The following ATP2B4 variants were observed in gnomAD, a reference collection of about 807,000 sequenced individuals.
ATP2B4 encodes the protein plasma membrane calcium-transporting ATPase 4.
A neutral mutation model predicts 110.3 loss-of-function variants in ATP2B4; 39 were observed. The observed-to-expected ratio is 0.35, with a 90% CI of 0.27 to 0.46. The LOEUF (loss-of-function observed/expected upper bound fraction) is 0.46, where lower values mean the gene tolerates loss of function less well. Among genes scored for constraint, ATP2B4 ranks in the 20% least tolerant of loss-of-function variants. The probability of loss-of-function intolerance (pLI) is 1.00; values close to 1 mark genes in which losing one functional copy is unlikely to be tolerated. For missense variants in ATP2B4, 1,135 were observed against 1,530.9 expected (o/e 0.74, Z 4.32); for synonymous variants, 538 against 571.7 (o/e 0.94, Z 0.84).
chr1:203,739,488 T>C, intron 20 of ATP2B4, 58 bp from the exon 21 acceptor site: 1 of 1,531,094 alleles, frequency 6.5e-7, no homozygotes, highest in Non-Finnish European at 8.9e-7. Context: ...CTCCTTGTTC[T>C]GCCGGCCAAT....
At position 203,739,557 on chromosome 1, in the gene ATP2B4, C is replaced by T. The variant is rs761636120; in HGVS notation, c.3321C>T (p.Val1107=). Residue 1107 remains valine (V), a synonymous_variant, in exon 21 of 21, where the codon GTC becomes GTT. Transcript: ENST00000357681. ...TTCCCCTGGTATAGATCAAAGTGGT[C>T]AAAGCGTTCCATAGTTCCCTCCACG... ...LNRIQTQIKV[V]KAFHSSLHES... The T allele has an allele frequency of 1.2e-6, 2 of 1,613,592 alleles. No homozygotes were observed. The highest frequency in any genetic ancestry group is 1.7e-6 in the Non-Finnish European group (2 of 1,179,724).
intron 2 of ATP2B4, among the ~76,000 whole-genome samples, chr1:203,689,078 A>T (rs953638255): frequency 6.6e-6 from 1 of 152,066 alleles, no homozygotes; most frequent in Non-Finnish European, 1.5e-5. Flanking sequence ...CAATCTTTCC[A>T]ATCCCCAAAG....
intron 2 of ATP2B4, among the ~76,000 whole-genome samples, chr1:203,690,279 C>A (rs371472203): frequency 2.6e-5 from 4 of 152,198 alleles, no homozygotes; most frequent in African/African-American, 9.6e-5. Context: ...GGCTCTTCCT[C>A]GGTGTAGCAG....
chr1:203,656,388 T>C (rs1315302090), intron 1 of ATP2B4, among the ~76,000 whole-genome samples: 1 of 152,168 alleles, frequency 6.6e-6, no homozygotes, highest in Non-Finnish European at 1.5e-5. Context: ...TAGAAAACAG[T>C]GCCAAGTAGG....
At chr1:203,632,586 G>A (rs1296840321) in intron 1 of ATP2B4, among the ~76,000 whole-genome samples, 3 of 150,656 alleles carry the variant, frequency 2.0e-5, no homozygotes, top group Admixed American at 6.6e-5. Context: ...CTCATGATCC[G>A]CCCACCTCAG....
At chr1:203,632,002 C>T (rs1663283199) in intron 1 of ATP2B4, among the ~76,000 whole-genome samples, 1 of 151,974 alleles carries the variant, frequency 6.6e-6, no homozygotes, top group Non-Finnish European at 1.5e-5. Flanking sequence ...CCGTGTTGCC[C>T]AGGCTGGTCT....
At chr1:203,676,520 C>T (rs1376759905) in intron 1 of ATP2B4, among the ~76,000 whole-genome samples, 3 of 152,176 alleles carry the variant, frequency 2.0e-5, no homozygotes, top group African/African-American at 7.2e-5. Flanking sequence ...TTCTTGCCAG[C>T]TTTCTTGATA....
chr1:203,717,159 C>T (rs928051505), intron 15 of ATP2B4, among the ~76,000 whole-genome samples: 1 of 152,094 alleles, frequency 6.6e-6, no homozygotes, highest in East Asian at 1.9e-4. Context: ...GATCACGCCT[C>T]TGCATTCCAG....
At position 203,739,646 on chromosome 1, in the gene ATP2B4, C is replaced by A. The variant is rs771988366; in HGVS notation, c.3410C>A (p.Ala1137Asp). 7 of 1,613,978 alleles carry A rather than the reference C, an allele frequency of 4.3e-6. No homozygotes were observed. Among genetic ancestry groups the A allele is most frequent in the African/African-American group, 2.7e-5 (2 of 74,880 alleles). ...IHSFMTHPEF[A>D]IEEELPRTPL... ...AGCTTCATGACCCACCCTGAATTCG[C>A]CATAGAGGAGGAGTTGCCACGAACA... Residue 1137 changes from alanine to aspartate, a missense_variant, in exon 21 of 21, where the codon GCC (alanine) becomes GAC (aspartate). Coordinates refer to ENST00000357681, the MANE Select transcript of ATP2B4 (RefSeq NM_001684.5).
chr1:203,692,500 T>G (rs1665412281), intron 2 of ATP2B4, among the ~76,000 whole-genome samples: 1 of 152,206 alleles, frequency 6.6e-6, no homozygotes, highest in Non-Finnish European at 1.5e-5. Context: ...AAGGAAGGAC[T>G]TAAAAGGTAT....
chr1:203,672,004 G>C (rs10900574), intron 1 of ATP2B4, among the ~76,000 whole-genome samples: 110,792 of 152,056 alleles, frequency 0.73, 42,430 homozygotes, highest in Non-Finnish European at 0.85. Context: ...TCCCTTGATA[G>C]TGGCAGCTGG....
Position 203,703,534 on chromosome 1 carries a change from G to T in ATP2B4, c.938-118G>T, listed in dbSNP as rs1665756061. On this transcript the variant is annotated intron_variant, in intron 7 of 20. Transcript: ENST00000357681. ...TGGGTTGGAAGTGGTCGGAACTGAT[G>T]TCAGGGTCCAAGGTATATTCCGGGA... 5.7e-5 allele frequency: 69 copies of T among 1,213,518 alleles called. 1 individual carries two copies. In the South Asian group the frequency reaches 9.9e-4, roughly 17 times the overall value. The allele number at this position is 1,213,518 out of a possible 1,614,324, so 75.2% of individuals were successfully genotyped here. A position where few individuals can be genotyped will look rare whatever the true frequency, so the allele number is the denominator to read the frequency against.
At chr1:203,638,603 T>G (rs575415643) in intron 1 of ATP2B4, among the ~76,000 whole-genome samples, 18 of 151,882 alleles carry the variant, frequency 1.2e-4, no homozygotes, top group Non-Finnish European at 2.5e-4. Context: ...AGACACTGGG[T>G]TAGTTTGAGG....
At chr1:203,638,614 C>G (rs1663533863) in intron 1 of ATP2B4, among the ~76,000 whole-genome samples, 1 of 152,108 alleles carries the variant, frequency 6.6e-6, no homozygotes, top group Non-Finnish European at 1.5e-5. Flanking sequence ...TAGTTTGAGG[C>G]AGAGGTGGGG....
intron 12 of ATP2B4, 139 bp downstream of exon 12, chr1:203,711,247 G>T: frequency 1.3e-6 from 1 of 741,550 alleles, no homozygotes; most frequent in South Asian, 1.8e-5. Flanking sequence ...TCACAGGACT[G>T]CTGTGGAGTG....
chr1:203,659,939 G>A (rs559030460), intron 1 of ATP2B4, among the ~76,000 whole-genome samples: 23 of 152,012 alleles, frequency 1.5e-4, no homozygotes, highest in Non-Finnish European at 3.4e-4. Context: ...AAAATTAGCC[G>A]GGCGTGGTGG....
In ATP2B4 at chr1:203,743,870, T is replaced by C. The variant is rs1359604575; in HGVS notation, c.*4016T>C. On this transcript the variant is annotated 3_prime_UTR_variant, in exon 21 of 21. Transcript: ENST00000357681. Reference sequence around the variant, plus strand: ...GCATTTTGATATTATTTAAGCTCTATGTACAAGGTTTTGCATGTATTTATA... The same window carrying C: ...GCATTTTGATATTATTTAAGCTCTACGTACAAGGTTTTGCATGTATTTATA... 6.6e-6 allele frequency: 1 copy of C among 152,448 alleles called. No individual in the cohort carries two copies. The highest frequency in any genetic ancestry group is 1.5e-5 in the Non-Finnish European group (1 of 68,022). 9.4% of individuals were successfully genotyped at this position (152,448 alleles called of 1,614,324 possible).
chr1:203,641,928 T>A (rs1370194526), intron 1 of ATP2B4, among the ~76,000 whole-genome samples: 1 of 152,142 alleles, frequency 6.6e-6, no homozygotes, highest in East Asian at 1.9e-4. Flanking sequence ...AAAAAGTTAT[T>A]TAGTGGATTT....
chr1:203,671,741 T>TAGTCTTGCTATGCA (rs1664669431), intron 1 of ATP2B4, among the ~76,000 whole-genome samples: 1 of 152,222 alleles, frequency 6.6e-6, no homozygotes, highest in Admixed American at 6.5e-5. Context: ...CTCACCACCT[T>TAGTCTTGCTATGCA]GACTAAAATC....
Sources: allele counts gnomAD v4.1 joint callset (sites outside exome capture counted in the v4.1 genomes callset), GRCh38; gene constraint gnomAD v4.1.1; transcripts MANE v1.5; gene names NCBI Gene and HGNC (gene_info 2026-07-23, HGNC 2026-07-21).